Variants in RUNX1 observed in about 807,000 individuals in gnomAD.
The protein encoded by RUNX1 is runt-related transcription factor 1.
Under a neutral mutation model 42.8 loss-of-function variants are expected in RUNX1, and 19 were observed. The ratio of observed to expected loss-of-function variants is 0.44; its 90% CI spans 0.31 to 0.65. The LOEUF is 0.65. Among genes scored for constraint, RUNX1 ranks in the 30% least tolerant of loss-of-function variants. The pLI is 0.07. For missense variants in RUNX1, 528 were observed against 672.0 expected, an observed-to-expected ratio of 0.79 and a Z score of 2.37; for synonymous variants, 271 against 289.4, an observed-to-expected ratio of 0.94 and a Z score of 0.64.
chr21:34,890,520 C>T (rs866380699), intron 3 of RUNX1, among the ~76,000 whole-genome samples: 1 of 152,014 alleles, frequency 6.6e-6, no homozygotes, highest in African/African-American at 2.4e-5. Flanking sequence ...TCGGGCCGCT[C>T]TTGGCTATCT....
chr21:34,850,348 T>C (rs770356725), intron 6 of RUNX1, among the ~76,000 whole-genome samples: 8 of 152,186 alleles, frequency 5.3e-5, no homozygotes, highest in Non-Finnish European at 1.0e-4. Context: ...TCTCCAGTGC[T>C]GGTCACTGAT....
intron 6 of RUNX1, among the ~76,000 whole-genome samples, chr21:34,853,645 C>A (rs1474083280): frequency 6.6e-6 from 1 of 152,060 alleles, no homozygotes; most frequent in Non-Finnish European, 1.5e-5. Context: ...CAGTGTTGGG[C>A]AAATAACACT....
At chr21:35,004,154 C>T (rs777133288) in intron 2 of RUNX1, among the ~76,000 whole-genome samples, 12 of 152,190 alleles carry the variant, frequency 7.9e-5, no homozygotes, top group Non-Finnish European at 1.8e-4. Flanking sequence ...CTTGGAAATA[C>T]AGAACTGTGG....
intron 7 of RUNX1, among the ~76,000 whole-genome samples, chr21:34,824,347 G>A (rs149373213): frequency 3.3e-4 from 50 of 152,246 alleles, no homozygotes; most frequent in African/African-American, 1.2e-3. Flanking sequence ...GCCAATGTTT[G>A]TTTTTAGGGT....
rs1569052123 is a variant in RUNX1 at position 34,849,335 on chromosome 21, T to TATATA, written c.613+10134_613+10138dup. On this transcript the variant is annotated intron_variant, in intron 6 of 8. Coordinates refer to ENST00000675419, the MANE Select transcript of RUNX1 (RefSeq NM_001754.5). The stretch of plus-strand genomic sequence containing the variant: ...TATTATATATATATTATATATACTA[T>TATATA]ATATATTATATATAGTATATATAAT... 1.1e-3 allele frequency among the ~76,000 whole-genome samples: 36 copies of TATATA among 31,858 alleles called. 2 individuals carry two copies. The highest frequency in any genetic ancestry group is 3.4e-3 in the Admixed American group (5 of 1,460). The allele number at this position is 31,858 out of a possible 152,430, so 20.9% of individuals were successfully genotyped here.
intron 2 of RUNX1, among the ~76,000 whole-genome samples, chr21:34,998,644 C>T (rs1459821141): frequency 2.6e-5 from 4 of 152,098 alleles, no homozygotes; most frequent in African/African-American, 4.8e-5. Context: ...CAGGTTCACG[C>T]CATTCTCCTG....
chr21:34,880,761 T>TA (rs1247075101), intron 4 of RUNX1, 48 bp from the exon 5 acceptor site: 24 of 1,593,466 alleles, frequency 1.5e-5, no homozygotes, highest in Non-Finnish European at 2.1e-5. Context: ...ATGTTATACA[T>TA]ACACTTTTAG....
intron 2 of RUNX1, among the ~76,000 whole-genome samples, chr21:34,912,242 AGAT>A (rs2058278200): frequency 6.7e-6 from 1 of 148,700 alleles, no homozygotes; most frequent in African/African-American, 2.5e-5. Context: ...CAGAGCAAGG[AGAT>A]GATGACTGCC....
At chr21:34,961,654 C>T (rs1038183422) in intron 2 of RUNX1, among the ~76,000 whole-genome samples, 21 of 152,224 alleles carry the variant, frequency 1.4e-4, no homozygotes, top group Admixed American at 2.6e-4. Context: ...TTACTAATAA[C>T]GACACCTGGC....
In RUNX1 at chr21:34,882,854, TC is replaced by T. The variant is rs2057926249; in HGVS notation, c.352-2142del. On this transcript the variant is annotated intron_variant, in intron 4 of 8. Coordinates refer to ENST00000675419, the MANE Select transcript of RUNX1 (RefSeq NM_001754.5). ...TTGAACACATATTTTTACTTCCTCA[TC>T]CTCCTCTCCCTGTGGTAACCCAGGC... is the stretch of plus-strand genomic sequence containing the variant. Among the ~76,000 whole-genome samples, 4 of 152,194 alleles carry T rather than the reference TC, an allele frequency of 2.6e-5. No individual in the cohort carries two copies. The South Asian group carries it at 8.3e-4, about 32-fold the overall frequency.
chr21:34,879,634 A>T (rs1281801984), intron 5 of RUNX1, among the ~76,000 whole-genome samples: 1 of 152,210 alleles, frequency 6.6e-6, no homozygotes, highest in Non-Finnish European at 1.5e-5. Flanking sequence ...TATACTTGAA[A>T]TAACTTATTT....
chr21:35,044,876 C>T (rs769541099), intron 2 of RUNX1, among the ~76,000 whole-genome samples: 7 of 152,226 alleles, frequency 4.6e-5, no homozygotes, highest in Non-Finnish European at 1.0e-4. Context: ...CTCAGAAAGG[C>T]TTCTTGCCAT....
intron 2 of RUNX1, among the ~76,000 whole-genome samples, chr21:34,990,679 C>T (rs1382826246): frequency 6.6e-6 from 1 of 151,578 alleles, no homozygotes; most frequent in East Asian, 1.9e-4. Context: ...TTTCACTCTG[C>T]CTCCTGGGTT....
At chr21:34,932,667 AACTC>A (rs2058456449) in intron 2 of RUNX1, among the ~76,000 whole-genome samples, 1 of 152,164 alleles carries the variant, frequency 6.6e-6, no homozygotes, top group Admixed American at 6.5e-5. Flanking sequence ...TGAGGTTACT[AACTC>A]AAGTAGTAGA....
Position 34,983,566 on chromosome 21 carries a change from C to A in RUNX1, c.58+65276G>T, listed in dbSNP as rs563799628. 3.0e-4 allele frequency among the ~76,000 whole-genome samples: 45 copies of A among 152,298 alleles called. No homozygotes were observed. In the South Asian group the frequency reaches 8.9e-3, roughly 30 times the overall value. ...AATCTCTTTACTGTCTTATCTAAGA[C>A]AATCTCTTTTGTGTGCTGGGAGTAC... On this transcript the variant is annotated intron_variant, in intron 2 of 8. Transcript: ENST00000675419.
At chr21:35,006,517 A>G (rs1374163523) in intron 2 of RUNX1, among the ~76,000 whole-genome samples, 1 of 152,154 alleles carries the variant, frequency 6.6e-6, no homozygotes, top group East Asian at 1.9e-4. Flanking sequence ...TCAGGCAGAC[A>G]TGGATAGGAG....
intron 2 of RUNX1, among the ~76,000 whole-genome samples, chr21:35,031,757 A>G (rs1176780303): frequency 2.6e-5 from 4 of 152,240 alleles, no homozygotes; most frequent in Non-Finnish European, 1.5e-5. Context: ...ACTAAATAAA[A>G]TAAGGCAGGC....
At chr21:34,892,201 T>G (rs2058088272) in intron 3 of RUNX1, among the ~76,000 whole-genome samples, 1 of 152,264 alleles carries the variant, frequency 6.6e-6, no homozygotes, top group African/African-American at 2.4e-5. Context: ...AGCTGCAGTT[T>G]GTATTGATGT....
At chr21:34,899,394 AGATT>A (rs1172194526) in intron 2 of RUNX1, among the ~76,000 whole-genome samples, 5 of 152,136 alleles carry the variant, frequency 3.3e-5, no homozygotes, top group Admixed American at 6.5e-5. Flanking sequence ...AGAAAAGACC[AGATT>A]GATCTCTCTC....
Sources: allele counts gnomAD v4.1 joint callset (sites outside exome capture counted in the v4.1 genomes callset), GRCh38; gene constraint gnomAD v4.1.1; transcripts MANE v1.5; gene names NCBI Gene and HGNC (gene_info 2026-07-23, HGNC 2026-07-21).